Variants in MALRD1 observed in about 807,000 individuals in gnomAD.
MALRD1 encodes MAM and LDL-receptor class A domain-containing protein 1.
A neutral mutation model predicts 242.1 loss-of-function variants in MALRD1; 247 were observed. The ratio of observed to expected loss-of-function variants is 1.02; its 90% CI spans 0.92 to 1.13. The LOEUF (loss-of-function observed/expected upper bound fraction) is 1.13, where lower values mean the gene tolerates loss of function less well. Among genes scored for constraint, MALRD1 ranks in the 50% most tolerant of loss-of-function variants. The pLI is 0.00. For missense variants in MALRD1, 2,989 were observed against 2,533.1 expected (o/e 1.18, Z -3.86); for synonymous variants, 995 against 866.6 (o/e 1.15, Z -2.60).
At chr10:19,661,403 A>T (rs1204507989) in intron 36 of MALRD1, among the ~76,000 whole-genome samples, 2 of 152,202 alleles carry the variant, frequency 1.3e-5, no homozygotes, top group Non-Finnish European at 2.9e-5. Flanking sequence ...CAACAATGAT[A>T]GACTGGATTA....
At chr10:19,603,557 C>G (rs527475767) in intron 34 of MALRD1, among the ~76,000 whole-genome samples, 15 of 152,192 alleles carry the variant, frequency 9.9e-5, no homozygotes, top group African/African-American at 3.6e-4. Context: ...GTCTATATCT[C>G]TGTTTTGGTA....
intron 24 of MALRD1, among the ~76,000 whole-genome samples, chr10:19,346,144 C>A (rs543923556): frequency 1.9e-4 from 29 of 152,092 alleles, no homozygotes; most frequent in African/African-American, 7.0e-4. Context: ...TTATTTTGCA[C>A]CTTGAGATAA....
At chr10:19,094,738 G>A (rs1367344523) in intron 4 of MALRD1, among the ~76,000 whole-genome samples, 1 of 152,168 alleles carries the variant, frequency 6.6e-6, no homozygotes, top group Non-Finnish European at 1.5e-5. Context: ...TGCTGTTGAA[G>A]TAGAATAATT....
intron 22 of MALRD1, among the ~76,000 whole-genome samples, chr10:19,324,344 G>C (rs989131850): frequency 6.6e-6 from 1 of 151,850 alleles, no homozygotes; most frequent in African/African-American, 2.4e-5. Context: ...ACAGCTTCTG[G>C]GTAATACTAT....
At chr10:19,197,472 A>G (rs939085113) in intron 14 of MALRD1, among the ~76,000 whole-genome samples, 1 of 152,174 alleles carries the variant, frequency 6.6e-6, no homozygotes, top group Non-Finnish European at 1.5e-5. Context: ...TGACTGTCTA[A>G]TATAATATCT....
At chr10:19,243,402 A>ATG in intron 18 of MALRD1, among the ~76,000 whole-genome samples, 1 of 152,128 alleles carries the variant, frequency 6.6e-6, no homozygotes, top group Non-Finnish European at 1.5e-5. Flanking sequence ...TGTTTTCATT[A>ATG]AAAAGTCTTT....
At chr10:19,628,865 C>T (rs538028044) in intron 36 of MALRD1, among the ~76,000 whole-genome samples, 2 of 152,094 alleles carry the variant, frequency 1.3e-5, no homozygotes, top group Admixed American at 6.6e-5. Flanking sequence ...AAGTGTCCTG[C>T]GGATGAATGT....
At chr10:19,312,400 ATG>A (rs1488787498) in intron 21 of MALRD1, among the ~76,000 whole-genome samples, 110 of 143,566 alleles carry the variant, frequency 7.7e-4, no homozygotes, top group African/African-American at 2.1e-3. Flanking sequence ...ATATATATAT[ATG>A]TGTATATGTG....
At chr10:19,107,360 T>A (rs1836500158) in intron 5 of MALRD1, among the ~76,000 whole-genome samples, 1 of 151,970 alleles carries the variant, frequency 6.6e-6, no homozygotes, top group South Asian at 2.1e-4. Context: ...TCTAAATGGA[T>A]CCCTTTATCA....
At chr10:19,069,839 T>C (rs970443428) in intron 2 of MALRD1, among the ~76,000 whole-genome samples, 1 of 152,110 alleles carries the variant, frequency 6.6e-6, no homozygotes, top group Non-Finnish European at 1.5e-5. Context: ...ACGAACATTT[T>C]AAATTTTATC....
At chr10:19,729,922 A>G (rs1450370146) in intron 38 of MALRD1, among the ~76,000 whole-genome samples, 1 of 151,310 alleles carries the variant, frequency 6.6e-6, no homozygotes, top group Non-Finnish European at 1.5e-5. Context: ...TATTTTCAGT[A>G]GAGACGGGGT....
In MALRD1 at chr10:19,204,298, A is replaced by G. The variant is rs766405765; in HGVS notation, c.2105-10A>G. ...AATGAAGCGTTTTTTTTTTTTTTTT[A>G]TCTCAACAGGGCATTTTATGTTCAT... On this transcript the variant is annotated splice_polypyrimidine_tract_variant and intron_variant, in intron 15 of 39. Coordinates refer to ENST00000454679, the MANE Select transcript of MALRD1 (RefSeq NM_001142308.3). 1 of 931,212 alleles carries G rather than the reference A, an allele frequency of 1.1e-6. No homozygotes were observed. The highest frequency in any genetic ancestry group is 1.4e-6 in the Non-Finnish European group (1 of 702,390). The allele number at this position is 931,212 out of a possible 1,614,324, so 57.7% of individuals were successfully genotyped here. A position where few individuals can be genotyped will look rare whatever the true frequency, so the allele number is the denominator to read the frequency against.
intron 28 of MALRD1, among the ~76,000 whole-genome samples, chr10:19,438,239 C>G (rs1443519490): frequency 6.6e-6 from 1 of 151,962 alleles, no homozygotes; most frequent in Non-Finnish European, 1.5e-5. Flanking sequence ...CGTCACTACC[C>G]TACTCTGCAC....
intron 28 of MALRD1, among the ~76,000 whole-genome samples, chr10:19,430,993 A>AT (rs1834105957): frequency 6.6e-6 from 1 of 152,126 alleles, no homozygotes; most frequent in South Asian, 2.1e-4. Context: ...TTAATAAGCC[A>AT]TTTTTTAATT....
chr10:19,246,429 G>A (rs957531671), intron 18 of MALRD1, among the ~76,000 whole-genome samples: 5 of 152,096 alleles, frequency 3.3e-5, no homozygotes, highest in Non-Finnish European at 7.3e-5. Context: ...GGCATGAGGC[G>A]CTAGTGCTTA....
At chr10:19,380,125 C>T (rs960990371) in intron 26 of MALRD1, among the ~76,000 whole-genome samples, 5 of 151,720 alleles carry the variant, frequency 3.3e-5, no homozygotes, top group Non-Finnish European at 5.9e-5. Flanking sequence ...CAGACATGCA[C>T]CACCATGCCT....
intron 4 of MALRD1, among the ~76,000 whole-genome samples, chr10:19,094,166 C>G (rs1157396457): frequency 1.9e-5 from 2 of 107,774 alleles, no homozygotes; most frequent in Non-Finnish European, 3.8e-5. Context: ...CAAGCCTGGG[C>G]AATGGCGGGC....
Position 19,403,722 on chromosome 10 carries a change from G to T in MALRD1, c.4845+14113G>T, listed in dbSNP as rs188937111. Among the ~76,000 whole-genome samples, 4 of 152,108 alleles carry T rather than the reference G, an allele frequency of 2.6e-5. No individual in the cohort carries two copies. The East Asian group carries it at 7.7e-4, about 29-fold the overall frequency. ...CTTGACTCTTTTTGACTTCACTGGG[G>T]GTCATTCAGCAAATAAAATCGTACC... On this transcript the variant is annotated intron_variant, in intron 28 of 39. Transcript: ENST00000454679.
chr10:19,257,760 C>T lies in MALRD1; in HGVS notation c.3068C>T (p.Thr1023Ile), dbSNP rs1459026775. The change falls in exon 19 of 40, where the codon ACC becomes ATC. Residue 1023 changes from threonine to isoleucine, a missense_variant. Coordinates refer to ENST00000454679, the MANE Select transcript of MALRD1 (RefSeq NM_001142308.3). ...GATGATCTGTCATTTATGGACTGCA[C>T]CCTCTACCCTGGTAAGAGAGAACAT... ...AIDDLSFMDC[T>I]LYPGNLPADL... The T allele has an allele frequency of 1.3e-6, 2 of 1,530,756 alleles. No individual in the cohort carries two copies. Among genetic ancestry groups the T allele is most frequent in the African/African-American group, 2.8e-5 (2 of 72,640 alleles). The allele number at this position is 1,530,756 out of a possible 1,614,324, so 94.8% of individuals were successfully genotyped here.
Sources: allele counts gnomAD v4.1 joint callset (sites outside exome capture counted in the v4.1 genomes callset), GRCh38; gene constraint gnomAD v4.1.1; transcripts MANE v1.5; gene names NCBI Gene and HGNC (gene_info 2026-07-23, HGNC 2026-07-21).